Variants in ATF6 observed in about 807,000 individuals in gnomAD.
ATF6 encodes activating transcription factor 6.
Under a neutral mutation model 83.6 loss-of-function variants are expected in ATF6, and 53 were observed. The observed-to-expected ratio is 0.63, with a 90% confidence interval of 0.51 to 0.80. ATF6 has a LOEUF of 0.80. Among genes scored for constraint, ATF6 ranks in the 30% least tolerant of loss-of-function variants. The pLI, the probability that ATF6 is intolerant of heterozygous loss-of-function variation, is 0.00. For missense variants in ATF6, 744 were observed against 797.9 expected (o/e 0.93, Z 0.81); for synonymous variants, 288 against 285.8 (o/e 1.01, Z -0.08).
intron 14 of ATF6, among the ~76,000 whole-genome samples, chr1:161,874,333 A>G (rs990874140): frequency 1.3e-5 from 2 of 151,638 alleles, no homozygotes; most frequent in Non-Finnish European, 3.0e-5. Flanking sequence ...CTACCCCTGC[A>G]TAGTGCTTAT....
intron 7 of ATF6, among the ~76,000 whole-genome samples, chr1:161,812,839 A>T (rs948825812): frequency 6.6e-6 from 1 of 151,664 alleles, no homozygotes; most frequent in Admixed American, 6.6e-5. Context: ...CCTGAAAGCC[A>T]TATTTGTATG....
intron 11 of ATF6, among the ~76,000 whole-genome samples, chr1:161,852,963 T>C (rs1686667962): frequency 6.6e-6 from 1 of 152,210 alleles, no homozygotes. Flanking sequence ...CCAGTGTTTA[T>C]ATTTGGGAGG....
chr1:161,783,749 T>TAC (rs536149635), intron 3 of ATF6, among the ~76,000 whole-genome samples: 31 of 151,272 alleles, frequency 2.0e-4, no homozygotes, highest in South Asian at 1.5e-3. Context: ...CACATATATA[T>TAC]ACACACACAC....
chr1:161,797,944 A>G (rs369468300), intron 6 of ATF6, among the ~76,000 whole-genome samples: 38 of 152,304 alleles, frequency 2.5e-4, no homozygotes, highest in African/African-American at 8.9e-4. Context: ...AGTAACCAAA[A>G]CAGCATGATA....
chr1:161,896,570 T>G (rs576978559), intron 14 of ATF6, among the ~76,000 whole-genome samples: 2 of 152,362 alleles, frequency 1.3e-5, no homozygotes, highest in Admixed American at 1.3e-4. Flanking sequence ...TAGAGAATGT[T>G]GTGTTATTTT....
rs1330850353 is a variant in ATF6, at chr1:161,792,252, AT to A, written c.615del (p.Gln206ArgfsTer65). The A allele has an allele frequency of 5.0e-6, 8 of 1,614,176 alleles. No individual in the cohort carries two copies. Among genetic ancestry groups the A allele is most frequent in the Non-Finnish European group, 6.8e-6 (8 of 1,180,006 alleles). ...CAGTGTTCCAGCAAAAACCATCATTATTCAGACAGTACCAACGCTTATGCCA... is the reference window on the plus strand; with the variant it reads ...CAGTGTTCCAGCAAAAACCATCATTATCAGACAGTACCAACGCTTATGCCA... ...NSSVPAKTII[I>X]QTVPTLMPLA... is the part of the protein sequence containing the mutation. On this transcript the variant is annotated frameshift_variant, in exon 6 of 16. Coordinates refer to ENST00000367942, the MANE Select transcript of ATF6 (RefSeq NM_007348.4). LOFTEE classifies it high-confidence loss of function.
rs1241923747 is a variant in ATF6 at position 161,963,158 on chromosome 1, T to C, written c.*4504T>C. On this transcript the variant is annotated 3_prime_UTR_variant, in exon 16 of 16. Transcript: ENST00000367942. ...AACTATGCTCGTAAAAGAAATGCAGTTTTCTCCTACCTAAAAAAAAGAAAG... is the reference window on the plus strand; with the variant it reads ...AACTATGCTCGTAAAAGAAATGCAGCTTTCTCCTACCTAAAAAAAAGAAAG... 2 of 152,208 alleles carry C rather than the reference T, an allele frequency of 1.3e-5. No individual in the cohort carries two copies. The highest frequency in any genetic ancestry group is 4.8e-5 in the African/African-American group (2 of 41,460). 9.4% of individuals were successfully genotyped at this position (152,208 alleles called of 1,614,324 possible).
In ATF6 at chr1:161,910,826, A is replaced by G. The variant is rs373028828; in HGVS notation, c.1720-1470A>G. The stretch of plus-strand genomic sequence containing the variant: ...CTTTGTGTCTAACAATGCACTTAAA[A>G]AAACAAAACAAAAAATTCCCTTGCT... On this transcript the variant is annotated intron_variant, in intron 14 of 15. Coordinates refer to ENST00000367942, the MANE Select transcript of ATF6 (RefSeq NM_007348.4). Among the ~76,000 whole-genome samples, 10 of 152,290 alleles carry G rather than the reference A, an allele frequency of 6.6e-5. No individual in the cohort carries two copies. In the South Asian group the frequency reaches 2.1e-3, roughly 32 times the overall value.
chr1:161,879,243 G>A (rs1018617695), intron 14 of ATF6, among the ~76,000 whole-genome samples: 23 of 152,090 alleles, frequency 1.5e-4, no homozygotes, highest in African/African-American at 5.6e-4. Flanking sequence ...GATATTAGAG[G>A]AGGTGTAGAA....
chr1:161,860,835 T>TC (rs1479883006), intron 13 of ATF6, among the ~76,000 whole-genome samples: 1 of 152,272 alleles, frequency 6.6e-6, no homozygotes, highest in East Asian at 1.9e-4. Context: ...TACACAATAA[T>TC]ACTTAAGATT....
intron 4 of ATF6, among the ~76,000 whole-genome samples, chr1:161,785,177 C>T (rs537699072): frequency 1.3e-5 from 2 of 152,336 alleles, no homozygotes; most frequent in South Asian, 4.1e-4. Flanking sequence ...GTTCCAGATG[C>T]TGGCAGTGAA....
chr1:161,788,312 T>C (rs1331369868), intron 4 of ATF6, among the ~76,000 whole-genome samples: 3 of 152,230 alleles, frequency 2.0e-5, no homozygotes, highest in Admixed American at 2.0e-4. Context: ...TTGGTTATTG[T>C]TTTCAACATT....
intron 2 of ATF6, among the ~76,000 whole-genome samples, chr1:161,781,568 C>T (rs1028714424): frequency 1.1e-4 from 17 of 152,090 alleles, no homozygotes. Context: ...TTCTTAATGG[C>T]AATGGGAAAA....
chr1:161,832,789 C>T (rs1453937713), intron 9 of ATF6, among the ~76,000 whole-genome samples: 1 of 152,222 alleles, frequency 6.6e-6, no homozygotes, highest in Non-Finnish European at 1.5e-5. Context: ...CACCACAGCT[C>T]AAGGAGGCCT....
intron 7 of ATF6, among the ~76,000 whole-genome samples, chr1:161,806,185 A>G (rs1049224946): frequency 1.3e-4 from 20 of 152,172 alleles, no homozygotes; most frequent in Non-Finnish European, 2.6e-4. Context: ...TTCTTAGTAA[A>G]TGGCAATCTT....
intron 9 of ATF6, among the ~76,000 whole-genome samples, chr1:161,835,543 G>GT (rs1018159207): frequency 2.0e-5 from 3 of 152,166 alleles, no homozygotes; most frequent in African/African-American, 7.2e-5. Flanking sequence ...GTTTTGTATA[G>GT]TTTTGTATTT....
intron 15 of ATF6, among the ~76,000 whole-genome samples, chr1:161,950,733 G>A (rs960920174): frequency 1.4e-4 from 21 of 152,052 alleles, no homozygotes; most frequent in African/African-American, 5.1e-4. Flanking sequence ...CTTCTCATGG[G>A]CCCCTTTGTA....
At chr1:161,813,092 G>T (rs1371413987) in intron 7 of ATF6, among the ~76,000 whole-genome samples, 1 of 150,374 alleles carries the variant, frequency 6.7e-6, no homozygotes, top group Non-Finnish European at 1.5e-5. Context: ...TATGGGAAAA[G>T]AAAAAAGAAA....
intron 14 of ATF6, among the ~76,000 whole-genome samples, chr1:161,895,105 T>A (rs1418908339): frequency 6.6e-6 from 1 of 151,960 alleles, no homozygotes; most frequent in Non-Finnish European, 1.5e-5. Flanking sequence ...GGCATGGTGG[T>A]GTGTACCTGT....
Sources: allele counts gnomAD v4.1 joint callset (sites outside exome capture counted in the v4.1 genomes callset), GRCh38; gene constraint gnomAD v4.1.1; transcripts MANE v1.5; gene names NCBI Gene and HGNC (gene_info 2026-07-23, HGNC 2026-07-21).